Variants in INPP4A observed in about 807,000 individuals in gnomAD.
INPP4A encodes inositol polyphosphate-4-phosphatase, type I, 107kD.
In INPP4A, 33 loss-of-function variants were observed where a neutral mutation model predicts 119.8. That is an observed-to-expected ratio of 0.28 (90% CI 0.21 to 0.37). The LOEUF is 0.37. INPP4A is among the 10% of genes least tolerant of loss of function. INPP4A has a pLI of 1.00. For missense variants in INPP4A, 956 were observed against 1,289.9 expected (o/e 0.74, Z 3.97); for synonymous variants, 496 against 500.7 (o/e 0.99, Z 0.12).
At position 98,552,989 on chromosome 2, in the gene INPP4A, A is replaced by G. The variant is rs778584140; in HGVS notation, c.1347+20A>G. On this transcript the variant is annotated intron_variant, in intron 14 of 24. Transcript: ENST00000409851. ...GACAAGGTAGGAGGGGTGCCCTGCT[A>G]CATATGGGCTGGGGAGTTTCCTTGG... The G allele has an allele frequency of 6.3e-7, 1 of 1,588,278 alleles. No homozygotes were observed.
intron 23 of INPP4A, among the ~76,000 whole-genome samples, chr2:98,576,763 G>A (rs1484328098): frequency 6.6e-6 from 1 of 152,244 alleles, no homozygotes; most frequent in African/African-American, 2.4e-5. Context: ...AGGCCTACAG[G>A]CGGCAGGCCC....
chr2:98,573,598 C>T (rs777108335), intron 23 of INPP4A, among the ~76,000 whole-genome samples: 1 of 152,192 alleles, frequency 6.6e-6, no homozygotes, highest in African/African-American at 2.4e-5. Context: ...CTGCCCACCA[C>T]ACCTCAGCCA....
At position 98,546,718 on chromosome 2, in the gene INPP4A, G is replaced by T. The variant is rs775914531; in HGVS notation, c.1163+24G>T. On this transcript the variant is annotated intron_variant, in intron 13 of 24. Coordinates refer to ENST00000409851, the MANE Select transcript of INPP4A (RefSeq NM_001134225.2). This position sits in a 1 kb window ranked among gnomAD's most constrained non-coding sequence, Gnocchi z 4.2. Reference sequence around the variant, plus strand: ...CAGTAAGTAGCCAGAGAGGGTTTGTGGTCCTTGTACAGCTTTCTGATGCTT... The same window carrying T: ...CAGTAAGTAGCCAGAGAGGGTTTGTTGTCCTTGTACAGCTTTCTGATGCTT... 1.4e-6 allele frequency: 2 copies of T among 1,404,832 alleles called. No homozygotes were observed. 87.0% of individuals were successfully genotyped at this position (1,404,832 alleles called of 1,614,324 possible).
At chr2:98,521,225 T>C (rs1308438233) in intron 4 of INPP4A, 1 of 153,592 alleles carries the variant, frequency 6.5e-6, no homozygotes, top group Non-Finnish European at 1.4e-5. Context: ...CAGATAAGAA[T>C]ATACTAAAAA....
At position 98,566,223 on chromosome 2, in the gene INPP4A, A is replaced by G; in HGVS notation, c.2420+54A>G. On this transcript the variant is annotated intron_variant, in intron 21 of 24. Transcript: ENST00000409851. The surrounding 1 kb of genome is among the most constrained non-coding windows in gnomAD (Gnocchi z 4.2). The stretch of plus-strand genomic sequence containing the variant: ...GGTGTGGTGGCCCTGGAGATGATGC[A>G]GAAAACGTACTTACCCCTCTTCAGG... 1 of 1,511,564 alleles carries G rather than the reference A, an allele frequency of 6.6e-7. No individual in the cohort carries two copies. Among genetic ancestry groups the G allele is most frequent in the Non-Finnish European group, 8.9e-7 (1 of 1,124,752 alleles). 93.6% of individuals were successfully genotyped at this position (1,511,564 alleles called of 1,614,324 possible).
At chr2:98,447,824 G>T (rs772877436) in intron 1 of INPP4A, among the ~76,000 whole-genome samples, 5 of 152,130 alleles carry the variant, frequency 3.3e-5, no homozygotes, top group Admixed American at 6.5e-5. Context: ...GAGGCGGGCG[G>T]ATCACAAGAT....
chr2:98,586,845 C>A (rs1700007680), intron 24 of INPP4A, among the ~76,000 whole-genome samples: 1 of 152,208 alleles, frequency 6.6e-6, no homozygotes, highest in Non-Finnish European at 1.5e-5. Flanking sequence ...TTGGTGAGAT[C>A]CCTCCCTCAT....
intron 17 of INPP4A, 119 bp from the exon 18 acceptor site, chr2:98,563,346 G>C: frequency 1.1e-6 from 1 of 910,554 alleles, no homozygotes; most frequent in Non-Finnish European, 1.7e-6. Flanking sequence ...GGAAGATGAG[G>C]TGGAGATGGG....
At chr2:98,537,538 G>A (rs945217324) in intron 7 of INPP4A, among the ~76,000 whole-genome samples, 2 of 152,188 alleles carry the variant, frequency 1.3e-5, no homozygotes. Context: ...CACCCTCTGG[G>A]CAGGGGTGAG....
intron 1 of INPP4A, among the ~76,000 whole-genome samples, chr2:98,496,743 G>T (rs1480330120): frequency 6.6e-6 from 1 of 152,190 alleles, no homozygotes; most frequent in African/African-American, 2.4e-5. Context: ...ACATGCAAAT[G>T]GCCAACAGGT....
intron 1 of INPP4A, among the ~76,000 whole-genome samples, chr2:98,499,553 T>C (rs1434636717): frequency 6.6e-6 from 1 of 152,230 alleles, no homozygotes; most frequent in South Asian, 2.1e-4. Flanking sequence ...CTTAAAAGGC[T>C]TAACTACTGA....
Position 98,589,704 on chromosome 2 carries a change from G to T in INPP4A, c.*2096G>T. The T allele has an allele frequency of 5.5e-6, 1 of 181,304 alleles. No individual in the cohort carries two copies. The highest frequency in any genetic ancestry group is 1.2e-5 in the Non-Finnish European group (1 of 84,886). The allele number at this position is 181,304 out of a possible 1,614,324, so 11.2% of individuals were successfully genotyped here. ...ATCACACGCTTCCAGTGCCTGCAGG[G>T]TGAGGGTGTGTGGCACAGAGGCAAG... On this transcript the variant is annotated 3_prime_UTR_variant, in exon 25 of 25. Coordinates refer to ENST00000409851, the MANE Select transcript of INPP4A (RefSeq NM_001134225.2).
Position 98,533,432 on chromosome 2 carries a change from G to T in INPP4A, c.207G>T (p.Ala69=). The T allele has an allele frequency of 6.2e-7, 1 of 1,613,780 alleles. No individual in the cohort carries two copies. The highest frequency in any genetic ancestry group is 8.5e-7 in the Non-Finnish European group (1 of 1,179,838). The part of the protein sequence containing the change: ...SLDRKPNSFV[A]VSVTTPPQAF... ...ATCGAAAGCCAAATAGTTTTGTTGCGGTGAGTGTCACCACCCCTCCTCAGG... is the reference window on the plus strand; with the variant it reads ...ATCGAAAGCCAAATAGTTTTGTTGCTGTGAGTGTCACCACCCCTCCTCAGG... Residue 69 remains alanine (A), a synonymous_variant, in exon 5 of 25, where the codon GCG becomes GCT. Coordinates refer to ENST00000409851, the MANE Select transcript of INPP4A (RefSeq NM_001134225.2).
intron 10 of INPP4A, among the ~76,000 whole-genome samples, chr2:98,540,113 G>A (rs929997643): frequency 5.3e-5 from 8 of 152,096 alleles, no homozygotes; most frequent in African/African-American, 1.4e-4. Flanking sequence ...TGTATTTTTA[G>A]TAGATATGGT....
Position 98,510,608 on chromosome 2 carries a change from C to A in INPP4A, c.-165-8356C>A, listed in dbSNP as rs576119373. Among the ~76,000 whole-genome samples the A allele has an allele frequency of 5.3e-5, 8 of 152,300 alleles. No homozygotes were observed. In the East Asian group the frequency reaches 5.8e-4, roughly 11 times the overall value. On this transcript the variant is annotated intron_variant, in intron 1 of 24. Transcript: ENST00000409851. ...AAAGGGCCTACCTAGTTCCCTCCAGCCCTTTCATACAGCACTAATCCCACC... is the reference window on the plus strand; with the variant it reads ...AAAGGGCCTACCTAGTTCCCTCCAGACCTTTCATACAGCACTAATCCCACC...
At chr2:98,464,723 G>A (rs550040679) in intron 1 of INPP4A, among the ~76,000 whole-genome samples, 2 of 152,296 alleles carry the variant, frequency 1.3e-5, no homozygotes, top group East Asian at 3.9e-4. Context: ...AGATCAGGAG[G>A]GTCTGCTCCA....
Position 98,528,497 on chromosome 2 carries a change from A to T in INPP4A, c.152-4880A>T, listed in dbSNP as rs560434943. 3.7e-4 allele frequency among the ~76,000 whole-genome samples: 56 copies of T among 152,350 alleles called. No homozygotes were observed. In the East Asian group the frequency reaches 9.5e-3, roughly 26 times the overall value. On this transcript the variant is annotated intron_variant, in intron 4 of 24. Transcript: ENST00000409851. ...GGGGGGAGATAAAAATGTTTGAATA[A>T]ATCATGACCAAAAACATCCCATGTT...
intron 24 of INPP4A, among the ~76,000 whole-genome samples, chr2:98,581,120 G>A (rs1482351476): frequency 1.3e-5 from 2 of 152,170 alleles, no homozygotes; most frequent in Non-Finnish European, 1.5e-5. Flanking sequence ...ACCACCCCCT[G>A]CTCAGGCATC....
chr2:98,527,220 T>G (rs1463629362), intron 4 of INPP4A, among the ~76,000 whole-genome samples: 2 of 152,166 alleles, frequency 1.3e-5, no homozygotes. Context: ...CAGAATGGGG[T>G]TGGAGATCCT....
Sources: allele counts gnomAD v4.1 joint callset (sites outside exome capture counted in the v4.1 genomes callset), GRCh38; gene constraint gnomAD v4.1.1; non-coding constraint Gnocchi (gnomAD v3.1); transcripts MANE v1.5; gene names NCBI Gene and HGNC (gene_info 2026-07-23, HGNC 2026-07-21).